The following UAP1 variants were observed in gnomAD, a reference collection of about 807,000 sequenced individuals.
The protein encoded by UAP1 is UDP-N-acetylhexosamine pyrophosphorylase.
A neutral mutation model predicts 58.5 loss-of-function variants in UAP1; 25 were observed. The ratio of observed to expected loss-of-function variants is 0.43; its 90% CI spans 0.31 to 0.60. The LOEUF (loss-of-function observed/expected upper bound fraction) is 0.60. Ranked by LOEUF, UAP1 falls within the 20% of genes least tolerant of loss-of-function variation. UAP1 has a pLI of 0.11. For synonymous variants in UAP1, 208 were observed against 213.0 expected (o/e 0.98, Z 0.21); for missense variants, 575 against 630.0 (o/e 0.91, Z 0.93).
intron 2 of UAP1, among the ~76,000 whole-genome samples, chr1:162,573,165 A>G (rs1653972411): frequency 6.6e-6 from 1 of 152,194 alleles, no homozygotes; most frequent in Non-Finnish European, 1.5e-5. Context: ...GGCACATACA[A>G]ACTCAGAATG....
rs935785327 is a variant in UAP1 at position 162,590,586 on chromosome 1, C to T, written c.1358+75C>T. 9 of 1,275,642 alleles carry T rather than the reference C, an allele frequency of 7.1e-6. No individual in the cohort carries two copies. In the African/African-American group the frequency reaches 1.3e-4, roughly 19 times the overall value. The allele number at this position is 1,275,642 out of a possible 1,614,324, so 79.0% of individuals were successfully genotyped here. On this transcript the variant is annotated intron_variant, in intron 8 of 10. Coordinates refer to ENST00000271469, the Ensembl canonical transcript of UAP1. ...CTCTTGGACTTCTCTCTCTCTCTCTCTCTCTGTATTCCTAGATCTTTTTTA... is the reference window on the plus strand; with the variant it reads ...CTCTTGGACTTCTCTCTCTCTCTCTTTCTCTGTATTCCTAGATCTTTTTTA...
chr1:162,599,550 T>C, exon 11 of UAP1: 1 of 436,542 alleles, frequency 2.3e-6, no homozygotes, highest in Non-Finnish European at 4.1e-6. Flanking sequence ...GATAGCATTT[T>C]TATGATTCCC....
At chr1:162,577,700 C>T (rs1488203773) in intron 3 of UAP1, among the ~76,000 whole-genome samples, 1 of 151,814 alleles carries the variant, frequency 6.6e-6, no homozygotes, top group Admixed American at 6.6e-5. Flanking sequence ...CAACCCCTGC[C>T]TCCCGGGTTC....
chr1:162,577,434 C>CTTTTTTTTT (rs1557970274), intron 3 of UAP1, among the ~76,000 whole-genome samples: 41 of 138,216 alleles, frequency 3.0e-4, no homozygotes, highest in African/African-American at 1.1e-3. Flanking sequence ...TAGTTCCTTC[C>CTTTTTTTTT]CTTTTTTTTT....
chr1:162,566,419 C>T, intron 2 of UAP1, 71 bp downstream of exon 2: 2 of 1,456,446 alleles, frequency 1.4e-6, no homozygotes, highest in Non-Finnish European at 9.3e-7. Context: ...GTAGCTGGAT[C>T]ATGTCACTAA....
At chr1:162,575,927 C>T (rs1239634245) in intron 2 of UAP1, among the ~76,000 whole-genome samples, 2 of 152,298 alleles carry the variant, frequency 1.3e-5, no homozygotes, top group South Asian at 2.1e-4. Flanking sequence ...AGGTGATCCA[C>T]CTGCCGCGGC....
chr1:162,562,604 ATG>A (rs1653223554), intron 1 of UAP1: 1 of 152,110 alleles, frequency 6.6e-6, no homozygotes, highest in Non-Finnish European at 1.5e-5. Context: ...TTATGATCAT[ATG>A]TGTGTGTCAT....
chr1:162,595,354 G>C (rs958207885), intron 9 of UAP1, among the ~76,000 whole-genome samples: 5 of 152,074 alleles, frequency 3.3e-5, no homozygotes, highest in African/African-American at 1.2e-4. Context: ...TCCTTCAGGG[G>C]TTTAGGTGGG....
intron 8 of UAP1, among the ~76,000 whole-genome samples, chr1:162,591,856 C>T (rs1655333335): frequency 6.6e-6 from 1 of 151,896 alleles, no homozygotes; most frequent in South Asian, 2.1e-4. Flanking sequence ...GCGATCTTGG[C>T]TCACTGCAAC....
chr1:162,575,000 A>C (rs1471847262), intron 2 of UAP1, among the ~76,000 whole-genome samples: 1 of 152,248 alleles, frequency 6.6e-6, no homozygotes. Flanking sequence ...TAAATCAGTA[A>C]TGAAGATAGT....
At chr1:162,584,221 A>T (rs1654776571) in intron 5 of UAP1, among the ~76,000 whole-genome samples, 3 of 152,150 alleles carry the variant, frequency 2.0e-5, no homozygotes, top group Admixed American at 2.0e-4. Context: ...TTGCAAAGAC[A>T]CTCACTGTTT....
At chr1:162,595,233 C>T (rs907163492) in intron 9 of UAP1, among the ~76,000 whole-genome samples, 51 of 152,062 alleles carry the variant, frequency 3.4e-4, no homozygotes, top group African/African-American at 1.2e-3. Flanking sequence ...GAAGTTCACT[C>T]CTTAGTTTCT....
intron 2 of UAP1, among the ~76,000 whole-genome samples, chr1:162,571,942 A>G (rs1469889900): frequency 6.6e-6 from 1 of 152,238 alleles, no homozygotes; most frequent in Non-Finnish European, 1.5e-5. Flanking sequence ...ATTCTCCAGG[A>G]ACTGCTGCCT....
chr1:162,587,421 C>A (rs1419645445), intron 5 of UAP1, 54 bp from the exon 6 acceptor site: 1 of 1,493,298 alleles, frequency 6.7e-7, no homozygotes, highest in Non-Finnish European at 9.1e-7. Context: ...TGGCAAATCT[C>A]CAAAGAAACA....
exon 5 of UAP1, chr1:162,581,448 T>A (rs545158367): frequency 6.2e-7 from 1 of 1,613,810 alleles, no homozygotes; most frequent in East Asian, 2.2e-5. Flanking sequence ...AGGAGCAGAC[T>A]GTGGAGCAAA....
In UAP1 at chr1:162,568,125, A is replaced by G. The variant is rs560128599; in HGVS notation, c.280+1777A>G. 3.3e-5 allele frequency among the ~76,000 whole-genome samples: 5 copies of G among 152,304 alleles called. No homozygotes were observed. The South Asian group carries it at 1.0e-3, about 32-fold the overall frequency. On this transcript the variant is annotated intron_variant, in intron 2 of 10. Transcript: ENST00000271469. ...ATTGTATATATATTTGATTTCATAG[A>G]TGTGTAGTAATACTATACATACAAT...
intron 3 of UAP1, among the ~76,000 whole-genome samples, chr1:162,578,331 C>T (rs1273310811): frequency 1.3e-5 from 2 of 152,198 alleles, no homozygotes; most frequent in Non-Finnish European, 2.9e-5. Flanking sequence ...GCTGTATAGC[C>T]TCAGTTCCCT....
chr1:162,588,291 A>G (rs546037912), intron 6 of UAP1, among the ~76,000 whole-genome samples: 55 of 152,334 alleles, frequency 3.6e-4, no homozygotes, highest in African/African-American at 1.3e-3. Flanking sequence ...TGACTTGTCT[A>G]CTTTTTAAAA....
At chr1:162,576,745 AGG>A (rs1363059049) in intron 2 of UAP1, 30 bp from the exon 3 acceptor site, 1 of 1,587,680 alleles carries the variant, frequency 6.3e-7, no homozygotes, top group Non-Finnish European at 8.6e-7. Flanking sequence ...TGAATTGTAG[AGG>A]TTTTGTGATA....
Sources: allele counts gnomAD v4.1 joint callset (sites outside exome capture counted in the v4.1 genomes callset), GRCh38; gene constraint gnomAD v4.1.1; transcripts MANE v1.5; gene names NCBI Gene and HGNC (gene_info 2026-07-23, HGNC 2026-07-21).